PDE10A: variants seen among roughly 807,000 people sequenced by gnomAD.
The protein encoded by PDE10A is phosphodiesterase 10A.
Under a neutral mutation model 97.7 loss-of-function variants are expected in PDE10A, and 39 were observed. The ratio of observed to expected loss-of-function variants is 0.40; its 90% CI spans 0.31 to 0.52. The LOEUF is 0.52. Ranked by LOEUF, PDE10A falls within the 20% of genes least tolerant of loss-of-function variation. The probability of loss-of-function intolerance (pLI) is 0.56; values close to 1 mark genes in which losing one functional copy is unlikely to be tolerated. For missense variants in PDE10A, 731 were observed against 1,047.8 expected, an observed-to-expected ratio of 0.70 and a Z score of 4.17; for synonymous variants, 371 against 376.8, an observed-to-expected ratio of 0.98 and a Z score of 0.18.
intron 1 of PDE10A, among the ~76,000 whole-genome samples, chr6:165,732,346 C>A (rs1016418509): frequency 1.3e-5 from 2 of 152,164 alleles, no homozygotes; most frequent in Non-Finnish European, 2.9e-5. Flanking sequence ...AGCTGACCTG[C>A]CCTAGAGGTG....
Position 165,431,445 on chromosome 6 carries a change from A to C in PDE10A, c.1519T>G (p.Ser507Ala), listed in dbSNP as rs1362995824. Residue 507 changes from serine to alanine, a missense_variant, in exon 8 of 22, where the codon TCA becomes GCA. Physicochemically the swap from Ser to Ala is moderately conservative, Grantham distance 99. Around this residue, in one of 8 missense-constraint regions of PDE10A, gnomAD observed 152 missense variants for 199.3 expected, o/e 0.76. Transcript: ENST00000539869. ...EVATANLAWA[S>A]VAIHQVQVCR... Reference sequence around the variant, plus strand: ...ACCTGCACCTGATGTATTGCTACTGAAGCCCAGGCAAGATTTGCTGTTGCA... The same window carrying C: ...ACCTGCACCTGATGTATTGCTACTGCAGCCCAGGCAAGATTTGCTGTTGCA... 1.3e-6 allele frequency: 2 copies of C among 1,599,922 alleles called. No individual in the cohort carries two copies. The highest frequency in any genetic ancestry group is 1.3e-5 in the African/African-American group (1 of 74,284).
At chr6:165,946,658 A>G (rs1463480314) in intron 1 of PDE10A, 2 of 152,196 alleles carry the variant, frequency 1.3e-5, no homozygotes, top group Middle Eastern at 3.2e-3. Context: ...ATGTATATAT[A>G]TTTCAAAACA....
At chr6:165,495,278 TCAA>T (rs1404958697) in intron 2 of PDE10A, among the ~76,000 whole-genome samples, 1 of 136,670 alleles carries the variant, frequency 7.3e-6, no homozygotes, top group African/African-American at 2.8e-5. Flanking sequence ...CAACCTGAAA[TCAA>T]CAACAACACA....
intron 21 of PDE10A, 38 bp from the exon 22 acceptor site, chr6:165,333,165 A>G (rs1781440665): frequency 2.4e-6 from 3 of 1,254,280 alleles, no homozygotes; most frequent in Non-Finnish European, 3.5e-6. Flanking sequence ...GAAGCTGAAT[A>G]AAGGATTTCT....
In PDE10A at chr6:165,418,934, T is replaced by C. The variant is rs1264866168; in HGVS notation, c.1654-157A>G. Among the ~76,000 whole-genome samples, 2 of 152,194 alleles carry C rather than the reference T, an allele frequency of 1.3e-5. No individual in the cohort carries two copies. The highest frequency in any genetic ancestry group is 2.9e-5 in the Non-Finnish European group (2 of 68,040). On this transcript the variant is annotated intron_variant, in intron 10 of 21. Transcript: ENST00000539869. The surrounding 1 kb of genome is among the most constrained non-coding windows in gnomAD (Gnocchi z 4.8). ...AATAAATATACAAGTATATAAATAT[T>C]TCATATATATGATATAAAAGTCACT... is the stretch of plus-strand genomic sequence containing the variant.
chr6:165,395,923 G>C (rs1274524954), intron 14 of PDE10A, among the ~76,000 whole-genome samples: 1 of 152,062 alleles, frequency 6.6e-6, no homozygotes, highest in African/African-American at 2.4e-5. Context: ...CAGTATGAGA[G>C]TCAAACTATG....
At chr6:165,763,677 T>C (rs1793305819) in intron 1 of PDE10A, among the ~76,000 whole-genome samples, 1 of 152,252 alleles carries the variant, frequency 6.6e-6, no homozygotes, top group South Asian at 2.1e-4. Flanking sequence ...GTTTCCATCA[T>C]GTATGTCTAA....
intron 2 of PDE10A, among the ~76,000 whole-genome samples, chr6:165,540,282 T>C (rs1783351042): frequency 6.6e-6 from 1 of 152,184 alleles, no homozygotes; most frequent in South Asian, 2.1e-4. Flanking sequence ...AAATAAAAAT[T>C]CTGCTGCAAT....
intron 1 of PDE10A, among the ~76,000 whole-genome samples, chr6:165,838,634 C>T (rs1780131493): frequency 6.6e-6 from 1 of 152,190 alleles, no homozygotes; most frequent in African/African-American, 2.4e-5. Flanking sequence ...GTAAGTATTT[C>T]TTCAGGGAAT....
intron 1 of PDE10A, among the ~76,000 whole-genome samples, chr6:165,708,392 C>A (rs1791774251): frequency 6.6e-6 from 1 of 152,040 alleles, no homozygotes; most frequent in Non-Finnish European, 1.5e-5. Flanking sequence ...AGGACCCGTT[C>A]ATGCATCTTC....
chr6:165,392,549 A>G (rs1045369469), intron 16 of PDE10A, 97 bp downstream of exon 16: 2 of 1,226,576 alleles, frequency 1.6e-6, no homozygotes, highest in South Asian at 1.6e-5. Flanking sequence ...TTGTCTTGGA[A>G]TAACATGTCA....
chr6:165,401,659 C>G (rs1269267444), intron 13 of PDE10A, among the ~76,000 whole-genome samples: 1 of 152,034 alleles, frequency 6.6e-6, no homozygotes, highest in Non-Finnish European at 1.5e-5. Flanking sequence ...TGAGAAAGAG[C>G]ACAGATAGGT....
chr6:165,601,746 T>C (rs1249929262), intron 1 of PDE10A, among the ~76,000 whole-genome samples: 2 of 152,186 alleles, frequency 1.3e-5, no homozygotes. Flanking sequence ...TGCTCTTGGG[T>C]ACATTAAAGA....
intron 1 of PDE10A, among the ~76,000 whole-genome samples, chr6:165,544,838 C>T (rs1783655814): frequency 6.6e-6 from 1 of 151,858 alleles, no homozygotes; most frequent in Admixed American, 6.6e-5. Flanking sequence ...CACACACACA[C>T]ACATATACAC....
chr6:165,561,848 A>G (rs1297150933), intron 1 of PDE10A, among the ~76,000 whole-genome samples: 2 of 152,266 alleles, frequency 1.3e-5, no homozygotes, highest in East Asian at 3.8e-4. Context: ...TTAAAAATCT[A>G]AAGAACTACA....
chr6:165,756,380 G>A (rs891872817), intron 1 of PDE10A, among the ~76,000 whole-genome samples: 3 of 151,902 alleles, frequency 2.0e-5, no homozygotes, highest in South Asian at 2.1e-4. Context: ...CCCCATTTAC[G>A]TTTCCCATTC....
At chr6:165,714,961 G>A (rs1004812422) in intron 1 of PDE10A, among the ~76,000 whole-genome samples, 5 of 152,146 alleles carry the variant, frequency 3.3e-5, no homozygotes, top group East Asian at 1.9e-4. Context: ...CTTGCTCTCC[G>A]CAAAGCCCTG....
chr6:165,765,417 C>G (rs1012280100), intron 1 of PDE10A, among the ~76,000 whole-genome samples: 1 of 152,256 alleles, frequency 6.6e-6, no homozygotes, highest in African/African-American at 2.4e-5. Flanking sequence ...GCTGCAGTCC[C>G]GAGACCTGCC....
rs148784609 is a variant in PDE10A, at chr6:165,550,421, T to C, written c.866-6853A>G. Among the ~76,000 whole-genome samples, 405 of 152,306 alleles carry C rather than the reference T, an allele frequency of 2.7e-3. 1 individual carries two copies. The highest frequency in any genetic ancestry group is 6.8e-3 in the Middle Eastern group (2 of 294). On this transcript the variant is annotated intron_variant, in intron 1 of 21. Transcript: ENST00000539869. ...CAGCTTCTTACAGTGTCAGTCCAAC[T>C]GTAAGATAAATTTGGGGGAGAATAC...
Sources: gnomAD v4.1 joint callset for allele counts (sites outside exome capture counted in the v4.1 genomes callset) on GRCh38, gnomAD v4.1.1 for gene constraint, gnomAD v4.1.1 regional missense constraint, Gnocchi (gnomAD v3.1) non-coding constraint, MANE v1.5 for transcripts, NCBI Gene and HGNC (gene_info 2026-07-23, HGNC 2026-07-21) for gene names.